SLC9A9: variants seen among roughly 807,000 people sequenced by gnomAD.
SLC9A9 encodes the protein sodium/hydrogen exchanger 9.
A neutral mutation model predicts 77.8 loss-of-function variants in SLC9A9; 62 were observed. The ratio of observed to expected loss-of-function variants is 0.80; its 90% CI spans 0.65 to 0.98. The LOEUF (loss-of-function observed/expected upper bound fraction) is 0.98, where lower values mean the gene tolerates loss of function less well. Among genes scored for constraint, SLC9A9 ranks in the 50% least tolerant of loss-of-function variants. SLC9A9 has a pLI of 0.00. For missense variants in SLC9A9, 775 were observed against 774.9 expected (o/e 1.00, Z 0.00); for synonymous variants, 320 against 283.5 (o/e 1.13, Z -1.29).
intron 12 of SLC9A9, among the ~76,000 whole-genome samples, chr3:143,427,320 C>T (rs1170309233): frequency 2.0e-5 from 3 of 152,148 alleles, no homozygotes; most frequent in Non-Finnish European, 2.9e-5. Flanking sequence ...GAAATGATAC[C>T]AGTATATTTT....
At chr3:143,664,613 C>A (rs1036067366) in intron 5 of SLC9A9, among the ~76,000 whole-genome samples, 3 of 151,962 alleles carry the variant, frequency 2.0e-5, no homozygotes, top group Admixed American at 2.0e-4. Flanking sequence ...CACATAGGCT[C>A]AAAATAAAGG....
chr3:143,457,570 C>A (rs1424864252), intron 12 of SLC9A9, among the ~76,000 whole-genome samples: 2 of 152,088 alleles, frequency 1.3e-5, no homozygotes, highest in African/African-American at 4.8e-5. Context: ...TGAAAACTTT[C>A]TTCTCTTCTA....
In SLC9A9 at chr3:143,289,470, G is replaced by A. The variant is rs550076421; in HGVS notation, c.1605-20490C>T. Among the ~76,000 whole-genome samples the A allele has an allele frequency of 2.1e-4, 32 of 152,206 alleles. 1 individual carries two copies. The South Asian group carries it at 6.4e-3, about 31-fold the overall frequency. Reference sequence around the variant, plus strand: ...ACTTTATATTTGTCCTGTCCAAAACGAAGCTCACTGTATCGCTTTCTCCCA... The same window carrying A: ...ACTTTATATTTGTCCTGTCCAAAACAAAGCTCACTGTATCGCTTTCTCCCA... On this transcript the variant is annotated intron_variant, in intron 14 of 15. Transcript: ENST00000316549.
At chr3:143,714,140 A>G (rs537764264) in intron 4 of SLC9A9, among the ~76,000 whole-genome samples, 1 of 152,160 alleles carries the variant, frequency 6.6e-6, no homozygotes, top group African/African-American at 2.4e-5. Context: ...ACTCCTCCGA[A>G]TTGGGACACA....
chr3:143,477,740 GTC>G (rs2035504984), intron 11 of SLC9A9, among the ~76,000 whole-genome samples: 1 of 152,110 alleles, frequency 6.6e-6, no homozygotes. Flanking sequence ...TATGCAATGT[GTC>G]TCTGTAGAAT....
In SLC9A9 at chr3:143,369,691, C is replaced by A. The variant is rs1178194442; in HGVS notation, c.1525-6128G>T. Among the ~76,000 whole-genome samples the A allele has an allele frequency of 2.6e-5, 4 of 152,026 alleles. No homozygotes were observed. The East Asian group carries it at 7.7e-4, about 29-fold the overall frequency. On this transcript the variant is annotated intron_variant, in intron 13 of 15. Transcript: ENST00000316549. ...TCTTTGAAGGAAAAAAAAGATGGGG[C>A]CTAATTTCTCTTCCTGTTGGGTGTG...
intron 6 of SLC9A9, among the ~76,000 whole-genome samples, chr3:143,636,050 T>C (rs1338233017): frequency 6.6e-6 from 1 of 152,170 alleles, no homozygotes; most frequent in African/African-American, 2.4e-5. Flanking sequence ...CTTAAAAATA[T>C]ATGTTGTGGT....
At chr3:143,301,485 T>C (rs1425046270) in intron 14 of SLC9A9, among the ~76,000 whole-genome samples, 3 of 152,200 alleles carry the variant, frequency 2.0e-5, no homozygotes, top group Non-Finnish European at 4.4e-5. Flanking sequence ...AAAGTCCACC[T>C]ATACTTGAGG....
chr3:143,590,823 TTTCATGG>T (rs2037633575), intron 6 of SLC9A9, among the ~76,000 whole-genome samples: 1 of 152,220 alleles, frequency 6.6e-6, no homozygotes, highest in Non-Finnish European at 1.5e-5. Flanking sequence ...CGGAGTTTGC[TTTCATGG>T]CAAGATCACC....
chr3:143,666,079 T>G (rs1303873315), intron 5 of SLC9A9, among the ~76,000 whole-genome samples: 1 of 151,942 alleles, frequency 6.6e-6, no homozygotes, highest in African/African-American at 2.4e-5. Context: ...GATGCAAAAA[T>G]CCTCAATGAA....
At chr3:143,833,891 G>C (rs2009500878) in intron 1 of SLC9A9, among the ~76,000 whole-genome samples, 1 of 152,182 alleles carries the variant, frequency 6.6e-6, no homozygotes, top group African/African-American at 2.4e-5. Flanking sequence ...TAGAGAGAAA[G>C]AGAGACAGAG....
intron 6 of SLC9A9, among the ~76,000 whole-genome samples, chr3:143,588,469 G>A (rs147577686): frequency 8.5e-4 from 129 of 152,336 alleles, no homozygotes; most frequent in African/African-American, 2.8e-3. Flanking sequence ...GAAAGCCTTT[G>A]ACAGATTCCT....
Position 143,792,050 on chromosome 3 carries a change from A to G in SLC9A9, c.533+2951T>C, listed in dbSNP as rs557851294. On this transcript the variant is annotated intron_variant, in intron 4 of 15. Transcript: ENST00000316549. ...ACTAATCCCAGCTCTATTACTTACC[A>G]CTGTGTTACTCTTTTTAAACCTCAG... 1.6e-4 allele frequency among the ~76,000 whole-genome samples: 24 copies of G among 152,252 alleles called. No homozygotes were observed. In the South Asian group the frequency reaches 4.8e-3, roughly 30 times the overall value.
At chr3:143,314,816 G>A (rs560263651) in intron 14 of SLC9A9, among the ~76,000 whole-genome samples, 25 of 152,322 alleles carry the variant, frequency 1.6e-4, no homozygotes, top group African/African-American at 6.0e-4. Flanking sequence ...GACAGAGGCA[G>A]CTGGGTTAGC....
At chr3:143,688,779 C>G (rs1000138521) in intron 5 of SLC9A9, among the ~76,000 whole-genome samples, 9 of 151,952 alleles carry the variant, frequency 5.9e-5, no homozygotes, top group African/African-American at 2.2e-4. Flanking sequence ...TTCAATCAAC[C>G]TCTCATACCA....
chr3:143,461,914 A>G (rs2035201298), intron 12 of SLC9A9, among the ~76,000 whole-genome samples: 1 of 152,252 alleles, frequency 6.6e-6, no homozygotes, highest in Non-Finnish European at 1.5e-5. Context: ...TTTAAGACTT[A>G]AAGATATTAC....
chr3:143,789,774 A>G (rs986506696), intron 4 of SLC9A9, among the ~76,000 whole-genome samples: 1 of 152,124 alleles, frequency 6.6e-6, no homozygotes, highest in African/African-American at 2.4e-5. Context: ...CCTCACTCCT[A>G]TGCCTCATGG....
intron 14 of SLC9A9, among the ~76,000 whole-genome samples, chr3:143,289,435 C>T (rs1467323653): frequency 6.6e-6 from 1 of 152,202 alleles, no homozygotes; most frequent in Non-Finnish European, 1.5e-5. Flanking sequence ...CTCAGAGATG[C>T]AGCAAGAGCA....
intron 6 of SLC9A9, among the ~76,000 whole-genome samples, chr3:143,594,992 C>T (rs920939021): frequency 2.6e-5 from 4 of 152,140 alleles, no homozygotes; most frequent in African/African-American, 9.7e-5. Context: ...GAATGTATTG[C>T]CAAATGGAGA....
Sources: allele counts gnomAD v4.1 joint callset (sites outside exome capture counted in the v4.1 genomes callset), GRCh38; gene constraint gnomAD v4.1.1; transcripts MANE v1.5; gene names NCBI Gene and HGNC (gene_info 2026-07-23, HGNC 2026-07-21).